Variants in SLC38A8 observed in about 807,000 individuals in gnomAD.
The protein encoded by SLC38A8 is amino acid transporter SLC38A8.
SLC38A8 carries 65 observed loss-of-function variants against 46.0 expected under a neutral mutation model. That is an observed-to-expected ratio of 1.41 (90% CI 1.16 to 1.74). The LOEUF (loss-of-function observed/expected upper bound fraction) is 1.74, where lower values mean the gene tolerates loss of function less well. Ranked by LOEUF, SLC38A8 falls within the 40% of genes most tolerant of loss-of-function variation. The pLI is 0.00. For missense variants in SLC38A8, 998 were observed against 567.9 expected, an observed-to-expected ratio of 1.76 and a Z score of -7.70; for synonymous variants, 447 against 243.7, an observed-to-expected ratio of 1.83 and a Z score of -7.77.
At chr16:84,042,493 C>T (rs2085379006) in intron 1 of SLC38A8, 58 bp downstream of exon 1, 1 of 207,568 alleles carries the variant, frequency 4.8e-6, no homozygotes, top group Non-Finnish European at 9.7e-6. Context: ...TTCCCATCCA[C>T]TCCCTTTGCT....
At chr16:84,037,383 CG>C (rs2085312675) in intron 2 of SLC38A8, among the ~76,000 whole-genome samples, 1 of 144,818 alleles carries the variant, frequency 6.9e-6, no homozygotes, top group African/African-American at 2.5e-5. Context: ...GGGGCGGCAC[CG>C]CCCCCTTGCA....
In SLC38A8 at chr16:84,032,104, C is replaced by T. The variant is rs1240427941; in HGVS notation, c.531-136G>A. ...GCCAAGCTGTCCACCTCTGCCTCAC[C>T]ATCCTCATCTGTACAGGGGGCATGT... On this transcript the variant is annotated intron_variant, in intron 4 of 10. Coordinates refer to ENST00000299709, the MANE Select transcript of SLC38A8 (RefSeq NM_001080442.3). 43 of 733,556 alleles carry T rather than the reference C, an allele frequency of 5.9e-5. No homozygotes were observed. In the Admixed American group the frequency reaches 7.2e-4, roughly 12 times the overall value. The allele number at this position is 733,556 out of a possible 1,614,324, so 45.4% of individuals were successfully genotyped here. A position where few individuals can be genotyped will look rare whatever the true frequency, so the allele number is the denominator to read the frequency against.
chr16:84,027,398 A>G (rs1273955089), intron 6 of SLC38A8, among the ~76,000 whole-genome samples: 1 of 152,094 alleles, frequency 6.6e-6, no homozygotes, highest in Non-Finnish European at 1.5e-5. Context: ...CACACACTAG[A>G]AGTCCTGGTG....
At chr16:84,027,068 C>G (rs75326482) in intron 6 of SLC38A8, among the ~76,000 whole-genome samples, 1,692 of 152,230 alleles carry the variant, frequency 0.011, 30 homozygotes, top group African/African-American at 0.039. Context: ...ACCACAAAAA[C>G]CAGCCAGGCA....
chr16:84,016,789 G>C, intron 8 of SLC38A8, 62 bp from the exon 9 acceptor site: 6 of 1,539,586 alleles, frequency 3.9e-6, no homozygotes, highest in Non-Finnish European at 5.3e-6. Context: ...CCACCCGACA[G>C]CTGCTCCCCA....
chr16:84,043,043 A>C (rs566483681), upstream of SLC38A8, among the ~76,000 whole-genome samples: 1 of 152,266 alleles, frequency 6.6e-6, no homozygotes, highest in South Asian at 2.1e-4. Flanking sequence ...AAGTGCCCTG[A>C]GCCCAGCCTC....
chr16:84,025,493 T>G (rs1481701870), intron 6 of SLC38A8, among the ~76,000 whole-genome samples: 1 of 146,508 alleles, frequency 6.8e-6, no homozygotes, highest in Non-Finnish European at 1.5e-5. Flanking sequence ...GTTTGTCTAC[T>G]CAGCGTCTCT....
At chr16:84,041,748 G>A in intron 2 of SLC38A8, among the ~76,000 whole-genome samples, 1 of 152,198 alleles carries the variant, frequency 6.6e-6, no homozygotes, top group East Asian at 1.9e-4. Context: ...CATCCCGGAA[G>A]CTGTGTATCA....
At chr16:84,021,157 G>T (rs926770030) in intron 7 of SLC38A8, among the ~76,000 whole-genome samples, 1 of 152,128 alleles carries the variant, frequency 6.6e-6, no homozygotes, top group Non-Finnish European at 1.5e-5. Context: ...CCAGCTCCCA[G>T]GTTCAATTGA....
rs796219530 is a variant in SLC38A8 at position 84,036,929 on chromosome 16, G to A, written c.190-29C>T. On this transcript the variant is annotated intron_variant, in intron 2 of 10. Transcript: ENST00000299709. ...CGGAGAAGGAGCAGGACCTGGAACTGGGGTGTGCCCACAGCCCACCCACCC... is the reference window on the plus strand; with the variant it reads ...CGGAGAAGGAGCAGGACCTGGAACTAGGGTGTGCCCACAGCCCACCCACCC... 6 of 1,583,514 alleles carry A rather than the reference G, an allele frequency of 3.8e-6. No homozygotes were observed. In the African/African-American group the frequency reaches 6.7e-5, roughly 18 times the overall value.
chr16:84,026,066 G>A (rs1285492733), intron 6 of SLC38A8, among the ~76,000 whole-genome samples: 1 of 152,262 alleles, frequency 6.6e-6, no homozygotes, highest in Non-Finnish European at 1.5e-5. Flanking sequence ...TCAGGGCACG[G>A]CAGATGCCCC....
chr16:84,010,024 A>T, intron 10 of SLC38A8, 147 bp from the exon 11 acceptor site: 1 of 515,174 alleles, frequency 1.9e-6, no homozygotes, highest in Non-Finnish European at 3.2e-6. Context: ...AGTTACCTGT[A>T]GGGATGGGTT....
At chr16:84,017,408 G>A in intron 7 of SLC38A8, 121 bp from the exon 8 acceptor site, 2 of 1,181,128 alleles carry the variant, frequency 1.7e-6, no homozygotes, top group South Asian at 1.5e-5. Context: ...GCTGAAAGAA[G>A]GTTCTGGAAG....
At chr16:84,028,637 C>G (rs2085196514) in intron 6 of SLC38A8, among the ~76,000 whole-genome samples, 1 of 151,840 alleles carries the variant, frequency 6.6e-6, no homozygotes, top group South Asian at 2.1e-4. Context: ...GCTGCGGGAA[C>G]CCATGACAGC....
intron 3 of SLC38A8, among the ~76,000 whole-genome samples, chr16:84,035,029 G>C (rs535710846): frequency 1.3e-5 from 2 of 152,264 alleles, no homozygotes; most frequent in Admixed American, 6.5e-5. Context: ...CCTACAGAGA[G>C]GCATCCCCAA....
rs745908898 is a variant in SLC38A8 at position 84,031,991 on chromosome 16, G to T, written c.531-23C>A. The T allele has an allele frequency of 1.9e-6, 3 of 1,603,258 alleles. No individual in the cohort carries two copies. The East Asian group carries it at 6.7e-5, about 36-fold the overall frequency. ...ATGCTAACACAGTGACCGTGTGAGGGGCTGCGCAGTGGGTGACATGTGCGG... is the reference window on the plus strand; with the variant it reads ...ATGCTAACACAGTGACCGTGTGAGGTGCTGCGCAGTGGGTGACATGTGCGG... On this transcript the variant is annotated intron_variant, in intron 4 of 10. Transcript: ENST00000299709.
At chr16:84,034,714 G>C (rs566015091) in intron 3 of SLC38A8, among the ~76,000 whole-genome samples, 76 of 152,344 alleles carry the variant, frequency 5.0e-4, no homozygotes, top group African/African-American at 1.7e-3. Flanking sequence ...GGTCACAGCA[G>C]CATCCACGTG....
intron 4 of SLC38A8, among the ~76,000 whole-genome samples, chr16:84,032,936 G>A (rs1428692393): frequency 7.1e-6 from 1 of 140,220 alleles, no homozygotes; most frequent in Non-Finnish European, 1.5e-5. Flanking sequence ...GTACGTGGGT[G>A]TGCATGGGTG....
At chr16:84,022,648 A>C in intron 7 of SLC38A8, 127 bp downstream of exon 7, 1 of 716,818 alleles carries the variant, frequency 1.4e-6, no homozygotes, top group Non-Finnish European at 2.3e-6. Flanking sequence ...TAAGGATTAA[A>C]TAAGATGCTC....
Sources: allele counts gnomAD v4.1 joint callset (sites outside exome capture counted in the v4.1 genomes callset), GRCh38; gene constraint gnomAD v4.1.1; transcripts MANE v1.5; gene names NCBI Gene and HGNC (gene_info 2026-07-23, HGNC 2026-07-21).